CLNK: variants seen among roughly 807,000 people sequenced by gnomAD.
The protein encoded by CLNK is cytokine-dependent hematopoietic cell linker.
Under a neutral mutation model 68.6 loss-of-function variants are expected in CLNK, and 74 were observed. That is an observed-to-expected ratio of 1.08 (90% CI 0.89 to 1.31). The LOEUF (loss-of-function observed/expected upper bound fraction) is 1.31, where lower values mean the gene tolerates loss of function less well. Among genes scored for constraint, CLNK ranks in the 50% most tolerant of loss-of-function variants. The pLI is 0.00. For synonymous variants in CLNK, 198 were observed against 172.2 expected (o/e 1.15, Z -1.17); for missense variants, 553 against 515.3 (o/e 1.07, Z -0.71).
intron 8 of CLNK, among the ~76,000 whole-genome samples, chr4:10,547,388 A>G (rs1421677459): frequency 6.6e-6 from 1 of 152,244 alleles, no homozygotes; most frequent in Non-Finnish European, 1.5e-5. Flanking sequence ...GTACATATCC[A>G]TGAAATCAAC....
intron 18 of CLNK, among the ~76,000 whole-genome samples, chr4:10,493,567 C>T (rs1328538175): frequency 1.3e-5 from 2 of 152,172 alleles, no homozygotes; most frequent in Non-Finnish European, 2.9e-5. Flanking sequence ...CCAAAGTCCT[C>T]ACCTCCTAAC....
chr4:10,527,802 G>T (rs1480289907), intron 13 of CLNK, among the ~76,000 whole-genome samples: 1 of 152,190 alleles, frequency 6.6e-6, no homozygotes, highest in African/African-American at 2.4e-5. Flanking sequence ...AAGTGGCAGA[G>T]GGTGACAGTG....
intron 14 of CLNK, chr4:10,523,833 TG>T: frequency 4.8e-6 from 1 of 207,320 alleles, no homozygotes; most frequent in Non-Finnish European, 1.0e-5. Flanking sequence ...GAGACTAGCC[TG>T]GGCAACATGG....
At chr4:10,513,744 T>C in intron 15 of CLNK, 147 bp from the exon 16 acceptor site, 1 of 650,864 alleles carries the variant, frequency 1.5e-6, no homozygotes, top group Non-Finnish European at 2.3e-6. Flanking sequence ...CTCAGTGACC[T>C]TAATTCTCTC....
chr4:10,587,825 C>T (rs886598698), intron 3 of CLNK, among the ~76,000 whole-genome samples: 1 of 152,154 alleles, frequency 6.6e-6, no homozygotes, highest in South Asian at 2.1e-4. Context: ...TACTGTCTCC[C>T]CTACCCCAGG....
At chr4:10,632,000 A>G (rs1055783265) in intron 2 of CLNK, among the ~76,000 whole-genome samples, 9 of 152,250 alleles carry the variant, frequency 5.9e-5, no homozygotes, top group Non-Finnish European at 1.0e-4. Context: ...ATTGAGTTGC[A>G]GTATAACATG....
intron 1 of CLNK, among the ~76,000 whole-genome samples, chr4:10,679,606 A>T (rs1314317395): frequency 1.3e-5 from 2 of 152,226 alleles, no homozygotes; most frequent in African/African-American, 4.8e-5. Context: ...AAATTTTTGC[A>T]ATCTACTCAT....
At chr4:10,716,134 C>A in the CLNK span, among the ~76,000 whole-genome samples, 1 of 152,228 alleles carries the variant, frequency 6.6e-6, no homozygotes, top group South Asian at 2.1e-4. Context: ...TAAGCGGTTT[C>A]TGAATTAATT....
At chr4:10,507,219 C>A (rs1178661500) in intron 17 of CLNK, among the ~76,000 whole-genome samples, 1 of 151,814 alleles carries the variant, frequency 6.6e-6, no homozygotes, top group East Asian at 1.9e-4. Flanking sequence ...TCAAGCGATT[C>A]TCTTGTCTCA....
At chr4:10,677,565 G>A (rs989182198) in intron 1 of CLNK, among the ~76,000 whole-genome samples, 1 of 152,014 alleles carries the variant, frequency 6.6e-6, no homozygotes, top group Non-Finnish European at 1.5e-5. Flanking sequence ...GGATCATGGG[G>A]GTGGTTTCCC....
chr4:10,493,114 C>T (rs1345309274), intron 18 of CLNK, among the ~76,000 whole-genome samples: 3 of 152,128 alleles, frequency 2.0e-5, no homozygotes, highest in Admixed American at 6.5e-5. Context: ...GTCAGGAGTT[C>T]GAGGCCAGCC....
intron 18 of CLNK, among the ~76,000 whole-genome samples, chr4:10,498,418 G>C (rs1208432476): frequency 6.6e-6 from 1 of 152,228 alleles, no homozygotes; most frequent in African/African-American, 2.4e-5. Context: ...CGTGAACCCT[G>C]CAGGCGGAGT....
the CLNK span, among the ~76,000 whole-genome samples, chr4:10,731,343 G>T: frequency 6.6e-6 from 1 of 152,172 alleles, no homozygotes; most frequent in African/African-American, 2.4e-5. Flanking sequence ...AACCACAGGG[G>T]ATTTCTCCCC....
intron 2 of CLNK, among the ~76,000 whole-genome samples, chr4:10,651,531 C>T (rs1723735551): frequency 6.6e-6 from 1 of 152,112 alleles, no homozygotes; most frequent in Admixed American, 6.5e-5. Context: ...GGGAACATCA[C>T]ACACTGGGGC....
chr4:10,696,388 C>A, the CLNK span, among the ~76,000 whole-genome samples: 1 of 152,228 alleles, frequency 6.6e-6, no homozygotes, highest in Admixed American at 6.5e-5. Context: ...AGCCTGATGT[C>A]TACGCCTTAA....
At chr4:10,632,173 C>T (rs1417602060) in intron 2 of CLNK, among the ~76,000 whole-genome samples, 2 of 152,226 alleles carry the variant, frequency 1.3e-5, no homozygotes, top group Non-Finnish European at 2.9e-5. Context: ...AACTTCTTTT[C>T]CCCAGTTGTA....
intron 15 of CLNK, among the ~76,000 whole-genome samples, chr4:10,519,417 T>G (rs1352674442): frequency 3.9e-5 from 6 of 152,358 alleles, no homozygotes; most frequent in Non-Finnish European, 1.5e-5. Flanking sequence ...AGACCTCTTC[T>G]GGGCCCAGTC....
chr4:10,532,550 T>TA (rs1272361572), intron 11 of CLNK, among the ~76,000 whole-genome samples: 2 of 152,184 alleles, frequency 1.3e-5, no homozygotes, highest in African/African-American at 2.4e-5. Flanking sequence ...TGGGAGAAAT[T>TA]AAAAAATCAT....
At chr4:10,726,095 G>A in the CLNK span, among the ~76,000 whole-genome samples, 1 of 152,092 alleles carries the variant, frequency 6.6e-6, no homozygotes, top group African/African-American at 2.4e-5. Flanking sequence ...TGCTCCTGGG[G>A]TTTCTGGCAA....
Sources: gnomAD v4.1 joint callset for allele counts (sites outside exome capture counted in the v4.1 genomes callset) on GRCh38, gnomAD v4.1.1 for gene constraint, MANE v1.5 for transcripts, NCBI Gene and HGNC (gene_info 2026-07-23, HGNC 2026-07-21) for gene names.